AUTS2: variants seen among roughly 807,000 people sequenced by gnomAD.
The protein encoded by AUTS2 is activator of transcription and developmental regulator AUTS2, also known as autism susceptibility gene 2 protein.
AUTS2 carries 17 observed loss-of-function variants against 112.4 expected under a neutral mutation model. The ratio of observed to expected loss-of-function variants is 0.15; its 90% confidence interval spans 0.10 to 0.23. The LOEUF (loss-of-function observed/expected upper bound fraction) is 0.23. AUTS2 is among the 10% of genes least tolerant of loss of function. The pLI is 1.00. For synonymous variants in AUTS2, 751 were observed against 702.7 expected, an observed-to-expected ratio of 1.07 and a Z score of -1.09; for missense variants, 1,510 against 1,701.6, an observed-to-expected ratio of 0.89 and a Z score of 1.98.
intron 1 of AUTS2, among the ~76,000 whole-genome samples, chr7:69,611,854 C>T (rs995862240): frequency 1.5e-4 from 22 of 142,374 alleles, no homozygotes; most frequent in Admixed American, 3.7e-4. Context: ...GGCGTGAACC[C>T]GGGAAGCGGA....
intron 4 of AUTS2, among the ~76,000 whole-genome samples, chr7:70,174,907 C>T (rs1040740584): frequency 6.6e-6 from 1 of 152,142 alleles, no homozygotes; most frequent in Non-Finnish European, 1.5e-5. Context: ...TGCCTGGTGA[C>T]AGAACATTTA....
chr7:70,779,596 G>T (rs970172393), intron 14 of AUTS2, among the ~76,000 whole-genome samples: 1 of 152,164 alleles, frequency 6.6e-6, no homozygotes, highest in Admixed American at 6.5e-5. Flanking sequence ...AGATCCTCAC[G>T]CCATGCTCTG....
intron 5 of AUTS2, among the ~76,000 whole-genome samples, chr7:70,593,977 G>T (rs1444758345): frequency 6.6e-6 from 1 of 152,214 alleles, no homozygotes; most frequent in Non-Finnish European, 1.5e-5. Context: ...ATTCTGCTCA[G>T]GGCAAAATAA....
At chr7:70,022,281 C>T (rs17364237) in intron 2 of AUTS2, among the ~76,000 whole-genome samples, 12,566 of 151,354 alleles carry the variant, frequency 0.083, 616 homozygotes, top group East Asian at 0.13. Context: ...TTTATTGTCA[C>T]AGAGGCCATT....
At chr7:69,777,289 C>T (rs941466094) in intron 1 of AUTS2, among the ~76,000 whole-genome samples, 2 of 152,068 alleles carry the variant, frequency 1.3e-5, no homozygotes, top group Admixed American at 6.6e-5. Context: ...TGAACAGTCA[C>T]GTTATTTCTA....
At chr7:70,154,020 T>C (rs886486488) in intron 4 of AUTS2, among the ~76,000 whole-genome samples, 1 of 152,238 alleles carries the variant, frequency 6.6e-6, no homozygotes, top group Non-Finnish European at 1.5e-5. Flanking sequence ...TGCACAGATA[T>C]AGCAGTCTTT....
intron 4 of AUTS2, among the ~76,000 whole-genome samples, chr7:70,338,951 C>T (rs1015368880): frequency 4.0e-5 from 6 of 151,740 alleles, no homozygotes; most frequent in Admixed American, 2.0e-4. Context: ...CAAGCTCCGC[C>T]TCCCGGGTTC....
intron 4 of AUTS2, among the ~76,000 whole-genome samples, chr7:70,340,353 T>A (rs1791209003): frequency 6.6e-6 from 1 of 152,104 alleles, no homozygotes; most frequent in African/African-American, 2.4e-5. Flanking sequence ...GCAAACCTTA[T>A]TTATAACCAT....
chr7:69,627,676 G>T (rs1484695599), intron 1 of AUTS2, among the ~76,000 whole-genome samples: 3 of 152,056 alleles, frequency 2.0e-5, no homozygotes, highest in African/African-American at 7.2e-5. Context: ...GTAGGGGAGA[G>T]CATGGTTATG....
At chr7:70,015,948 C>G (rs926551784) in intron 2 of AUTS2, among the ~76,000 whole-genome samples, 30 of 151,922 alleles carry the variant, frequency 2.0e-4, no homozygotes, top group Admixed American at 7.9e-4. Context: ...GTTGTTCAAA[C>G]TTTAAATTTA....
At chr7:70,354,956 C>CTGTG (rs369428637) in intron 4 of AUTS2, among the ~76,000 whole-genome samples, 4 of 147,176 alleles carry the variant, frequency 2.7e-5, no homozygotes, top group South Asian at 4.4e-4. Context: ...GAAAGGGCTG[C>CTGTG]TGTGTGTGTG....
chr7:69,726,794 A>G (rs1452872246), intron 1 of AUTS2, among the ~76,000 whole-genome samples: 2 of 152,066 alleles, frequency 1.3e-5, no homozygotes, highest in Non-Finnish European at 2.9e-5. Flanking sequence ...TTCTCTGATG[A>G]TTTATGATGT....
At chr7:70,686,331 G>A (rs1486516750) in intron 5 of AUTS2, among the ~76,000 whole-genome samples, 1 of 152,054 alleles carries the variant, frequency 6.6e-6, no homozygotes, top group Non-Finnish European at 1.5e-5. Context: ...GTGATGTTAT[G>A]GCCATACTTT....
chr7:69,717,045 T>G (rs1480430686), intron 1 of AUTS2, among the ~76,000 whole-genome samples: 1 of 152,132 alleles, frequency 6.6e-6, no homozygotes, highest in South Asian at 2.1e-4. Flanking sequence ...TTATGGAAAA[T>G]TTATTACATA....
chr7:70,021,230 C>T (rs1339007137), intron 2 of AUTS2, among the ~76,000 whole-genome samples: 1 of 152,290 alleles, frequency 6.6e-6, no homozygotes, highest in East Asian at 1.9e-4. Context: ...GATCCGCCCG[C>T]CTTGGCCTCC....
intron 4 of AUTS2, among the ~76,000 whole-genome samples, chr7:70,248,494 A>G (rs931932935): frequency 1.1e-4 from 17 of 152,190 alleles, no homozygotes; most frequent in African/African-American, 4.1e-4. Context: ...TTTTTTTCTC[A>G]GACCTCACAG....
intron 5 of AUTS2, among the ~76,000 whole-genome samples, chr7:70,441,171 C>A (rs949465946): frequency 9.2e-5 from 14 of 152,152 alleles, no homozygotes; most frequent in African/African-American, 3.4e-4. Context: ...TCTCCTTTTC[C>A]TATCAATCTT....
chr7:70,181,299 T>C (rs989683846), intron 4 of AUTS2, among the ~76,000 whole-genome samples: 2 of 152,210 alleles, frequency 1.3e-5, no homozygotes, highest in Non-Finnish European at 2.9e-5. Flanking sequence ...TTTCAGCATA[T>C]TTTATTGAGC....
chr7:69,723,113 A>T (rs1799051853), intron 1 of AUTS2, among the ~76,000 whole-genome samples: 1 of 152,100 alleles, frequency 6.6e-6, no homozygotes, highest in South Asian at 2.1e-4. Context: ...GATCCAAAGG[A>T]CTGTCTGACA....
Sources: allele counts gnomAD v4.1 joint callset (sites outside exome capture counted in the v4.1 genomes callset), GRCh38; gene constraint gnomAD v4.1.1; transcripts MANE v1.5; gene names NCBI Gene and HGNC (gene_info 2026-07-23, HGNC 2026-07-21).